Variants in SPIN1 observed in about 807,000 individuals in gnomAD.
The protein encoded by SPIN1 is spindlin-1.
SPIN1 carries 3 observed loss-of-function variants against 26.0 expected under a neutral mutation model. That is an observed-to-expected ratio of 0.12 (90% CI 0.05 to 0.30). The LOEUF is 0.30. SPIN1 is among the 10% of genes least tolerant of loss of function. The probability of loss-of-function intolerance (pLI) is 1.00; values close to 1 mark genes in which losing one functional copy is unlikely to be tolerated. For missense variants in SPIN1, 126 were observed against 333.4 expected (o/e 0.38, Z 4.84); for synonymous variants, 101 against 116.5 (o/e 0.87, Z 0.86).
At chr9:88,421,847 G>C (rs118018666) in intron 1 of SPIN1, among the ~76,000 whole-genome samples, 2,658 of 151,736 alleles carry the variant, frequency 0.018, 36 homozygotes, top group Non-Finnish European at 0.026. Context: ...CTAGAAATTC[G>C]ATCTAAAAGC....
intron 1 of SPIN1, among the ~76,000 whole-genome samples, chr9:88,421,754 A>G (rs1325340811): frequency 1.3e-5 from 2 of 151,890 alleles, no homozygotes; most frequent in South Asian, 2.1e-4. Context: ...CCCACTTTTC[A>G]TGTACAAAGT....
At chr9:88,443,229 C>G (rs953990105) in intron 2 of SPIN1, among the ~76,000 whole-genome samples, 9 of 151,352 alleles carry the variant, frequency 5.9e-5, no homozygotes, top group African/African-American at 2.2e-4. Context: ...GCCTTTTGTA[C>G]TTGTCCCATA....
At chr9:88,404,491 A>T (rs1273543074) in intron 1 of SPIN1, among the ~76,000 whole-genome samples, 3 of 152,204 alleles carry the variant, frequency 2.0e-5, no homozygotes, top group Admixed American at 6.5e-5. Context: ...CTTGACTCTT[A>T]TAGTACTTAG....
At chr9:88,439,615 TC>T (rs745822742) in intron 2 of SPIN1, among the ~76,000 whole-genome samples, 5 of 152,208 alleles carry the variant, frequency 3.3e-5, no homozygotes, top group Non-Finnish European at 5.9e-5. Context: ...ATCTGTCTCT[TC>T]CTATAGTTCC....
In SPIN1 at chr9:88,407,099, A is replaced by G. The variant is rs191794966; in HGVS notation, c.-159+18561A>G. Among the ~76,000 whole-genome samples the G allele has an allele frequency of 3.8e-3, 561 of 145,826 alleles. 4 individuals are homozygous for G. The highest frequency in any genetic ancestry group is 5.7e-3 in the South Asian group (26 of 4,592). On this transcript the variant is annotated intron_variant, in intron 1 of 5. Transcript: ENST00000375859. ...TGTAACTTCTAGTAGTGAATTTCCT[A>G]TGTTAGTCTAGACATGCCTCAAATT...
chr9:88,474,294 T>TC (rs1366495505), intron 5 of SPIN1, among the ~76,000 whole-genome samples: 1 of 152,192 alleles, frequency 6.6e-6, no homozygotes, highest in Non-Finnish European at 1.5e-5. Context: ...CTCTTTTTTT[T>TC]CTTTTACTTT....
chr9:88,475,305 T>TG lies in SPIN1; in HGVS notation c.*30dup. 6.2e-7 allele frequency: 1 copy of TG among 1,601,350 alleles called. No homozygotes were observed. Among genetic ancestry groups the TG allele is most frequent in the Non-Finnish European group, 8.5e-7 (1 of 1,170,012 alleles). Reference sequence around the variant, plus strand: ...GTCATCACAAACTCTGCCAAATTTGTGGAACTATGAAATGTATTATTTGTA... The same window carrying TG: ...GTCATCACAAACTCTGCCAAATTTGTGGGAACTATGAAATGTATTATTTGTA... On this transcript the variant is annotated 3_prime_UTR_variant, in exon 6 of 6. Transcript: ENST00000375859.
At chr9:88,395,886 A>G (rs550198624) in intron 1 of SPIN1, among the ~76,000 whole-genome samples, 72 of 152,078 alleles carry the variant, frequency 4.7e-4, no homozygotes, top group African/African-American at 1.6e-3. Flanking sequence ...ATCTCTGCTA[A>G]AAATACAAAA....
intron 4 of SPIN1, among the ~76,000 whole-genome samples, chr9:88,466,186 T>A (rs904510853): frequency 6.6e-6 from 1 of 152,200 alleles, no homozygotes; most frequent in East Asian, 1.9e-4. Context: ...AGAGACAGGA[T>A]CTCGCTTTGT....
intron 1 of SPIN1, among the ~76,000 whole-genome samples, chr9:88,413,445 G>A (rs1827497806): frequency 6.6e-6 from 1 of 151,634 alleles, no homozygotes; most frequent in African/African-American, 2.4e-5. Context: ...GTGCAGTGGT[G>A]CGATTTTGGC....
At chr9:88,425,840 T>C (rs1192341054) in intron 1 of SPIN1, among the ~76,000 whole-genome samples, 1 of 152,142 alleles carries the variant, frequency 6.6e-6, no homozygotes, top group Non-Finnish European at 1.5e-5. Flanking sequence ...TATAATTCTT[T>C]CTCTTGCCCA....
intron 1 of SPIN1, among the ~76,000 whole-genome samples, chr9:88,393,599 G>T (rs1023316976): frequency 1.3e-5 from 2 of 151,522 alleles, no homozygotes; most frequent in Non-Finnish European, 2.9e-5. Flanking sequence ...GGGTCTACAG[G>T]CATGTGCCAC....
At chr9:88,412,703 T>A (rs1054685700) in intron 1 of SPIN1, among the ~76,000 whole-genome samples, 5 of 152,008 alleles carry the variant, frequency 3.3e-5, no homozygotes, top group Admixed American at 6.6e-5. Flanking sequence ...TTTTTTTTTT[T>A]AGACAGTCTC....
intron 2 of SPIN1, among the ~76,000 whole-genome samples, chr9:88,448,463 C>G (rs10122804): frequency 2.6e-5 from 4 of 152,206 alleles, no homozygotes. Flanking sequence ...GCACTCCCCC[C>G]ACCTCAGCCT....
chr9:88,445,472 A>G (rs1280521936), intron 2 of SPIN1, among the ~76,000 whole-genome samples: 1 of 151,088 alleles, frequency 6.6e-6, no homozygotes, highest in Non-Finnish European at 1.5e-5. Context: ...AAGGTAGTAC[A>G]GTAAGCTTTT....
intron 2 of SPIN1, among the ~76,000 whole-genome samples, chr9:88,443,366 C>T (rs1221011823): frequency 6.6e-6 from 1 of 152,132 alleles, no homozygotes; most frequent in Non-Finnish European, 1.5e-5. Context: ...CTCTGAAAGG[C>T]ACTCTTTGCT....
chr9:88,452,306 G>A (rs1041194408), intron 3 of SPIN1, among the ~76,000 whole-genome samples: 12 of 152,286 alleles, frequency 7.9e-5, no homozygotes, highest in African/African-American at 2.6e-4. Context: ...AGGTGATTGA[G>A]CTAGGACTCA....
intron 1 of SPIN1, among the ~76,000 whole-genome samples, chr9:88,399,606 A>G (rs1257337281): frequency 6.6e-6 from 1 of 152,144 alleles, no homozygotes; most frequent in East Asian, 1.9e-4. Context: ...TGCAGCTGCA[A>G]TTCTAGGCCA....
chr9:88,469,197 T>C (rs531351059), intron 5 of SPIN1, among the ~76,000 whole-genome samples: 5 of 152,342 alleles, frequency 3.3e-5, no homozygotes, highest in African/African-American at 9.6e-5. Flanking sequence ...ACATGCGTAG[T>C]TCACAATAAG....
Sources: allele counts gnomAD v4.1 joint callset (sites outside exome capture counted in the v4.1 genomes callset), GRCh38; gene constraint gnomAD v4.1.1; transcripts MANE v1.5; gene names NCBI Gene and HGNC (gene_info 2026-07-23, HGNC 2026-07-21).